The following WDR27 variants were observed in gnomAD, a reference collection of about 807,000 sequenced individuals.
WDR27 encodes WD repeat domain 27.
A neutral mutation model predicts 114.4 loss-of-function variants in WDR27; 100 were observed. The observed-to-expected ratio is 0.87, with a 90% CI of 0.74 to 1.03. The LOEUF (loss-of-function observed/expected upper bound fraction) is 1.03. Ranked by LOEUF, WDR27 falls within the 50% of genes least tolerant of loss-of-function variation. The probability of loss-of-function intolerance (pLI) is 0.00; values close to 1 mark genes in which losing one functional copy is unlikely to be tolerated. For synonymous variants in WDR27, 449 were observed against 423.1 expected (o/e 1.06, Z -0.75); for missense variants, 1,129 against 1,092.9 (o/e 1.03, Z -0.47).
Position 169,643,727 on chromosome 6 carries a change from T to G in WDR27, c.1717A>C (p.Ser573Arg), listed in dbSNP as rs766618341. The G allele has an allele frequency of 1.9e-6, 3 of 1,613,678 alleles. No individual in the cohort carries two copies. Among genetic ancestry groups the G allele is most frequent in the Non-Finnish European group, 2.5e-6 (3 of 1,179,820 alleles). ...ANHLLLVFDA[S>R]LTGTPAVFSG... ...AACACAGCAGGTGTCCCAGTCAGGC[T>G]GGCATCAAAAACGAGTAACAGATGG... The change falls in exon 17 of 26, where the codon AGC (serine) becomes CGC (arginine). Residue 573 changes from serine to arginine, a missense_variant. Transcript: ENST00000448612.
Position 169,550,837 on chromosome 6 carries a change from T to A in WDR27, c.2645+21582A>T, listed in dbSNP as rs552791630. On this transcript the variant is annotated intron_variant, in intron 25 of 25. Transcript: ENST00000448612. ...CTCAAGCAATCCTCCCACCTCAGCA[T>A]CCCAAGTAGCTGAGACCACAGGCAT... is the stretch of plus-strand genomic sequence containing the variant. Among the ~76,000 whole-genome samples the A allele has an allele frequency of 1.1e-4, 16 of 152,220 alleles. No individual in the cohort carries two copies. In the South Asian group the frequency reaches 3.3e-3, roughly 32 times the overall value.
intron 17 of WDR27, among the ~76,000 whole-genome samples, chr6:169,642,429 C>T (rs1819449434): frequency 6.6e-6 from 1 of 152,106 alleles, no homozygotes; most frequent in Non-Finnish European, 1.5e-5. Flanking sequence ...CCACAGTCAA[C>T]AGAACAACCA....
intron 21 of WDR27, among the ~76,000 whole-genome samples, chr6:169,614,687 CAAAAAAAAAAA>C (rs755678239): frequency 5.8e-5 from 6 of 103,372 alleles, no homozygotes; most frequent in African/African-American, 2.2e-4. Flanking sequence ...GACTCCATCT[CAAAAAAAAAAA>C]AGAAAAGAAA....
chr6:169,509,582 G>C (rs1207371362), intron 25 of WDR27, among the ~76,000 whole-genome samples: 7 of 151,472 alleles, frequency 4.6e-5, no homozygotes, highest in Admixed American at 2.0e-4. Context: ...GCCATATGTA[G>C]AAAGCTGAAA....
chr6:169,701,432 C>T (rs9383517), intron 1 of WDR27, 119 bp downstream of exon 1: 12,984 of 152,326 alleles, frequency 0.085, 1,686 homozygotes, highest in East Asian at 0.56. Flanking sequence ...GAGCTCAGAA[C>T]CGACGGGAGG....
intron 25 of WDR27, among the ~76,000 whole-genome samples, chr6:169,478,518 A>G (rs1011008302): frequency 1.3e-5 from 2 of 152,206 alleles, no homozygotes; most frequent in Non-Finnish European, 1.5e-5. Context: ...ATAAGCCTAT[A>G]TCATAAACTA....
At chr6:169,456,453 C>A (rs1329766019), downstream of WDR27, among the ~76,000 whole-genome samples, 1 of 152,172 alleles carries the variant, frequency 6.6e-6, no homozygotes, top group Non-Finnish European at 1.5e-5. The surrounding 1 kb of genome is among the most constrained non-coding windows in gnomAD (Gnocchi z 4.0). Context: ...TCAGGGCATT[C>A]CGGCTGGTCC....
intron 1 of WDR27, among the ~76,000 whole-genome samples, chr6:169,691,152 T>C (rs1784402433): frequency 6.6e-6 from 1 of 152,074 alleles, no homozygotes; most frequent in Non-Finnish European, 1.5e-5. Flanking sequence ...GAGGCAGAGC[T>C]TGCAGTGAGC....
At chr6:169,631,305 G>A (rs925300946) in intron 21 of WDR27, among the ~76,000 whole-genome samples, 1 of 151,854 alleles carries the variant, frequency 6.6e-6, no homozygotes, top group Non-Finnish European at 1.5e-5. Flanking sequence ...AAAAAATGCA[G>A]AAAAATAATC....
chr6:169,601,328 A>G (rs1343559019), intron 23 of WDR27, among the ~76,000 whole-genome samples: 1 of 152,258 alleles, frequency 6.6e-6, no homozygotes, highest in African/African-American at 2.4e-5. Flanking sequence ...CATCTGAATC[A>G]GCAGAATCAT....
chr6:169,528,583 G>T (rs1795216714), intron 25 of WDR27, among the ~76,000 whole-genome samples: 1 of 152,228 alleles, frequency 6.6e-6, no homozygotes, highest in South Asian at 2.1e-4. Context: ...CTGGAGTGCA[G>T]TGGCACAATC....
At chr6:169,508,346 T>C (rs1792285352) in intron 25 of WDR27, among the ~76,000 whole-genome samples, 1 of 152,250 alleles carries the variant, frequency 6.6e-6, no homozygotes, top group Non-Finnish European at 1.5e-5. Context: ...CAATTATTAG[T>C]TGATTAAATC....
At position 169,569,869 on chromosome 6, in the gene WDR27, G is replaced by A. The variant is rs568592592; in HGVS notation, c.2645+2550C>T. Among the ~76,000 whole-genome samples the A allele has an allele frequency of 7.9e-5, 12 of 152,210 alleles. No individual in the cohort carries two copies. In the South Asian group the frequency reaches 8.3e-4, roughly 11 times the overall value. ...GAAGTGACTTGGGGTTACCATTCTA[G>A]GGCAGCTAGAATTGTTTAACGACCA... is the stretch of plus-strand genomic sequence containing the variant. On this transcript the variant is annotated intron_variant, in intron 25 of 25. Coordinates refer to ENST00000448612, the MANE Select transcript of WDR27 (RefSeq NM_182552.5).
chr6:169,541,105 G>A (rs1796781221), intron 25 of WDR27, among the ~76,000 whole-genome samples: 1 of 150,834 alleles, frequency 6.6e-6, no homozygotes, highest in Non-Finnish European at 1.5e-5. Context: ...AAATAAAAAT[G>A]TAATAAGGAC....
At chr6:169,667,795 G>A (rs574818069) in intron 5 of WDR27, among the ~76,000 whole-genome samples, 187 bp downstream of exon 5, 36 of 152,346 alleles carry the variant, frequency 2.4e-4, no homozygotes, top group African/African-American at 7.7e-4. Flanking sequence ...CCCAGCCAGC[G>A]GCCCCGGCAA....
At chr6:169,513,957 A>C (rs912379357) in intron 25 of WDR27, among the ~76,000 whole-genome samples, 19 of 152,302 alleles carry the variant, frequency 1.2e-4, no homozygotes, top group African/African-American at 3.8e-4. Flanking sequence ...GGCATTGCAC[A>C]GTGGGCTTTA....
In WDR27 at chr6:169,701,946, A is replaced by C; in HGVS notation, c.-403T>G. The stretch of plus-strand genomic sequence containing the variant: ...CACAGCACCCAGCTCCCAGGAGGGC[A>C]CGCAGAGGACTACCGAGCCACACTC... On this transcript the variant is annotated 5_prime_UTR_variant, in exon 1 of 26. Coordinates refer to ENST00000448612, the MANE Select transcript of WDR27 (RefSeq NM_182552.5). 1 of 371,568 alleles carries C rather than the reference A, an allele frequency of 2.7e-6. No individual in the cohort carries two copies. Among genetic ancestry groups the C allele is most frequent in the Non-Finnish European group, 5.4e-6 (1 of 184,550 alleles). 23.0% of individuals were successfully genotyped at this position (371,568 alleles called of 1,614,324 possible).
At position 169,473,663 on chromosome 6, in the gene WDR27, G is replaced by GA. The variant is rs201430904; in HGVS notation, c.2646-16030dup. Among the ~76,000 whole-genome samples, 663 of 146,230 alleles carry GA rather than the reference G, an allele frequency of 4.5e-3. 1 individual carries two copies. Among genetic ancestry groups the GA allele is most frequent in the South Asian group, 9.1e-3 (42 of 4,596 alleles). The stretch of plus-strand genomic sequence containing the variant: ...TATTAGAATGTCTAAAGGAGCTAAA[G>GA]AAAAAAAAAACAGATTTGGGGGTTT... On this transcript the variant is annotated intron_variant, in intron 25 of 25. Transcript: ENST00000448612.
In WDR27 at chr6:169,605,586, T is replaced by C. The variant is rs73039106; in HGVS notation, c.2322-3265A>G. 5.9e-3 allele frequency among the ~76,000 whole-genome samples: 310 copies of C among 52,588 alleles called. 1 individual carries two copies. Among genetic ancestry groups the C allele is most frequent in the Admixed American group, 0.018 (56 of 3,132 alleles). 34.5% of individuals were successfully genotyped at this position (52,588 alleles called of 152,430 possible). A position where few individuals can be genotyped will look rare whatever the true frequency, so the allele number is the denominator to read the frequency against. On this transcript the variant is annotated intron_variant, in intron 22 of 25. Coordinates refer to ENST00000448612, the MANE Select transcript of WDR27 (RefSeq NM_182552.5). ...ATGCCTTTCAAAATACCAATGTCAT[T>C]TTTTACATTAAAAAAAAAAACACCC...
Sources: allele counts gnomAD v4.1 joint callset (sites outside exome capture counted in the v4.1 genomes callset), GRCh38; gene constraint gnomAD v4.1.1; non-coding constraint Gnocchi (gnomAD v3.1); transcripts MANE v1.5; gene names NCBI Gene and HGNC (gene_info 2026-07-23, HGNC 2026-07-21).